PLEKHA5: variants seen among roughly 807,000 people sequenced by gnomAD.
PLEKHA5 encodes the protein pleckstrin homology domain containing A5.
In PLEKHA5, 55 loss-of-function variants were observed where a neutral mutation model predicts 181.9. That is an observed-to-expected ratio of 0.30 (90% CI 0.24 to 0.38). The LOEUF is 0.38. Among genes scored for constraint, PLEKHA5 ranks in the 10% least tolerant of loss-of-function variants. The pLI is 1.00. For missense variants in PLEKHA5, 1,432 were observed against 1,549.5 expected (o/e 0.92, Z 1.27); for synonymous variants, 535 against 529.4 (o/e 1.01, Z -0.15).
Position 19,270,352 on chromosome 12 carries a change from G to A in PLEKHA5, c.845+147G>A, listed in dbSNP as rs369694226. On this transcript the variant is annotated intron_variant, in intron 10 of 31. Transcript: ENST00000429027. ...GTAATAGTGTGTTGATGTTTCTAAA[G>A]TGTGATGAATTACAGTAAGAAACTT... 4.7e-4 allele frequency: 196 copies of A among 419,080 alleles called. No homozygotes were observed. The highest frequency in any genetic ancestry group is 3.6e-3 in the African/African-American group (177 of 48,942). The allele number at this position is 419,080 out of a possible 1,614,324, so 26.0% of individuals were successfully genotyped here.
chr12:19,361,441 C>T, intron 28 of PLEKHA5, 141 bp from the exon 29 acceptor site: 1 of 555,142 alleles, frequency 1.8e-6, no homozygotes, highest in Non-Finnish European at 3.2e-6. Flanking sequence ...TCTCGGCCTC[C>T]CAAAGTGCTG....
intron 3 of PLEKHA5, among the ~76,000 whole-genome samples, chr12:19,248,338 C>T (rs534503917): frequency 6.6e-6 from 1 of 152,310 alleles, no homozygotes; most frequent in Non-Finnish European, 1.5e-5. Context: ...GCTGGGATTA[C>T]AGGCGTGTGT....
intron 7 of PLEKHA5, among the ~76,000 whole-genome samples, chr12:19,263,063 G>T (rs2069018136): frequency 6.6e-6 from 1 of 152,086 alleles, no homozygotes; most frequent in Non-Finnish European, 1.5e-5. Flanking sequence ...TGCTCTGCAG[G>T]CTGTTGGAAA....
intron 25 of PLEKHA5, among the ~76,000 whole-genome samples, chr12:19,352,095 A>AG: frequency 6.6e-6 from 1 of 151,250 alleles, no homozygotes; most frequent in Admixed American, 6.6e-5. Flanking sequence ...AAAAAAAAAA[A>AG]AAGACTGGCT....
At chr12:19,372,787 T>A (rs1406466132) in intron 31 of PLEKHA5, 1 of 151,424 alleles carries the variant, frequency 6.6e-6, no homozygotes, top group Non-Finnish European at 1.5e-5. Flanking sequence ...TTTTTTTTTT[T>A]TGTTGAGACC....
intron 3 of PLEKHA5, among the ~76,000 whole-genome samples, chr12:19,228,054 T>G (rs887236565): frequency 2.0e-5 from 3 of 152,208 alleles, no homozygotes; most frequent in Admixed American, 2.0e-4. Context: ...GGGTCCTTAG[T>G]ATAAGCCCTG....
At chr12:19,145,644 C>G (rs1175827978) in intron 3 of PLEKHA5, among the ~76,000 whole-genome samples, 2 of 152,036 alleles carry the variant, frequency 1.3e-5, no homozygotes, top group African/African-American at 4.8e-5. Context: ...TTTTGTTATA[C>G]TCCTGTTGTT....
chr12:19,334,829 AATATATATATATATATATATATATAT>A (rs56763101), intron 20 of PLEKHA5, among the ~76,000 whole-genome samples: 1 of 18,602 alleles, frequency 5.4e-5, no homozygotes, highest in African/African-American at 1.2e-4. Flanking sequence ...AAAAAAAAAA[AATATATATATATATATATATATATAT>A]ATATATATAT....
intron 23 of PLEKHA5, among the ~76,000 whole-genome samples, chr12:19,346,677 A>G (rs988403340): frequency 5.3e-5 from 8 of 152,168 alleles, no homozygotes; most frequent in South Asian, 4.1e-4. Flanking sequence ...TAGGATTTTA[A>G]AATCAGTTCT....
At chr12:19,185,657 A>G (rs934118967) in intron 3 of PLEKHA5, among the ~76,000 whole-genome samples, 9 of 152,146 alleles carry the variant, frequency 5.9e-5, no homozygotes, top group African/African-American at 1.7e-4. Context: ...TGTTTAAGCT[A>G]ATTTGAATTG....
intron 16 of PLEKHA5, among the ~76,000 whole-genome samples, chr12:19,319,104 C>G (rs1265390816): frequency 6.6e-6 from 1 of 151,884 alleles, no homozygotes; most frequent in Non-Finnish European, 1.5e-5. Flanking sequence ...AAATTATTTT[C>G]TTGGATCTAG....
chr12:19,301,910 T>C (rs1255346051), intron 15 of PLEKHA5, among the ~76,000 whole-genome samples: 1 of 152,174 alleles, frequency 6.6e-6, no homozygotes, highest in East Asian at 1.9e-4. Context: ...TTCTTGGACT[T>C]TCAGGTGTGC....
chr12:19,166,418 C>A (rs185732557), intron 3 of PLEKHA5, among the ~76,000 whole-genome samples: 40 of 152,234 alleles, frequency 2.6e-4, no homozygotes, highest in Middle Eastern at 3.4e-3. Context: ...GCTTTTGCCT[C>A]TTTTTATTTG....
intron 8 of PLEKHA5, among the ~76,000 whole-genome samples, chr12:19,269,149 A>G (rs1190572992): frequency 6.6e-6 from 1 of 152,104 alleles, no homozygotes; most frequent in African/African-American, 2.4e-5. Flanking sequence ...GCACTTTGGG[A>G]GGCTGAGGCA....
At chr12:19,165,515 G>A (rs534110757) in intron 3 of PLEKHA5, among the ~76,000 whole-genome samples, 12 of 151,046 alleles carry the variant, frequency 7.9e-5, no homozygotes, top group African/African-American at 2.9e-4. Context: ...TTTATGTTAT[G>A]GCCTCCTAGA....
chr12:19,373,960 C>A (rs773842889), intron 31 of PLEKHA5, among the ~76,000 whole-genome samples: 11 of 152,050 alleles, frequency 7.2e-5, no homozygotes, highest in Non-Finnish European at 1.0e-4. Context: ...ATTCCAAGAG[C>A]AGTGGCATAC....
intron 15 of PLEKHA5, chr12:19,303,815 C>CTT (rs578224551): frequency 0.49 from 52,519 of 106,462 alleles, 16,674 homozygotes; most frequent in Non-Finnish European, 0.69. Flanking sequence ...TTTCTTTGAG[C>CTT]TTTTTTTTTT....
chr12:19,229,262 A>G (rs2060105706), intron 3 of PLEKHA5, among the ~76,000 whole-genome samples: 2 of 152,134 alleles, frequency 1.3e-5, no homozygotes, highest in Non-Finnish European at 2.9e-5. Flanking sequence ...CTGTTATGCA[A>G]TATTGTGTCC....
chr12:19,137,666 TTTG>T (rs1246218192), intron 3 of PLEKHA5, among the ~76,000 whole-genome samples: 3 of 152,156 alleles, frequency 2.0e-5, no homozygotes, highest in African/African-American at 4.8e-5. Flanking sequence ...CAATAGCCTT[TTTG>T]TTGTTGTTGT....
Sources: gnomAD v4.1 joint callset for allele counts (sites outside exome capture counted in the v4.1 genomes callset) on GRCh38, gnomAD v4.1.1 for gene constraint, MANE v1.5 for transcripts, NCBI Gene and HGNC (gene_info 2026-07-23, HGNC 2026-07-21) for gene names.